ZFHX3: variants seen among roughly 807,000 people sequenced by gnomAD.
The protein encoded by ZFHX3 is zinc finger homeobox protein 3.
A neutral mutation model predicts 279.1 loss-of-function variants in ZFHX3; 42 were observed. The ratio of observed to expected loss-of-function variants is 0.15; its 90% CI spans 0.12 to 0.19. ZFHX3 has a LOEUF of 0.19. ZFHX3 is among the 10% of genes least tolerant of loss of function. The probability of loss-of-function intolerance (pLI) is 1.00; values close to 1 mark genes in which losing one functional copy is unlikely to be tolerated. For synonymous variants in ZFHX3, 2,293 were observed against 1,957.8 expected (o/e 1.17, Z -4.52); for missense variants, 4,981 against 4,754.0 (o/e 1.05, Z -1.40).
At chr16:73,170,920 C>T (rs1294714810) in intron 5 of ZFHX3, among the ~76,000 whole-genome samples, 1 of 152,124 alleles carries the variant, frequency 6.6e-6, no homozygotes, top group Non-Finnish European at 1.5e-5. Flanking sequence ...TTTGAGTTTT[C>T]CGACGCACCG....
In ZFHX3 at chr16:72,788,091, C is replaced by CTGCTGCTGCTGCACTTTT. The variant is rs571110463; in HGVS notation, c.10167_10184dup (p.Lys3390_Gln3395dup). On this transcript the variant is annotated inframe_insertion, in exon 10 of 10. Coordinates refer to ENST00000268489, the MANE Select transcript of ZFHX3 (RefSeq NM_006885.4). ...GGACTGGGGTTTGGCTTGCTTTGGG[C>CTGCTGCTGCTGCACTTTT]TGCTGCTGCTGCACTTTTTGCTGCT... is the stretch of plus-strand genomic sequence containing the variant. The CTGCTGCTGCTGCACTTTT allele has an allele frequency of 2.2e-5, 35 of 1,608,156 alleles. No homozygotes were observed. The highest frequency in any genetic ancestry group is 2.9e-5 in the Non-Finnish European group (34 of 1,177,202).
chr16:73,619,000 T>C (rs1337026701), intron 2 of ZFHX3, among the ~76,000 whole-genome samples: 1 of 152,122 alleles, frequency 6.6e-6, no homozygotes, highest in Non-Finnish European at 1.5e-5. Flanking sequence ...AAGAAGAGCA[T>C]ATTTTAAATC....
intron 1 of ZFHX3, among the ~76,000 whole-genome samples, chr16:73,806,125 A>G (rs1161711958): frequency 6.6e-6 from 1 of 152,218 alleles, no homozygotes; most frequent in Non-Finnish European, 1.5e-5. Flanking sequence ...AGCTCTTGTA[A>G]GAACTCACTA....
intron 1 of ZFHX3, among the ~76,000 whole-genome samples, chr16:73,862,315 A>G (rs1486136561): frequency 6.6e-6 from 1 of 152,224 alleles, no homozygotes; most frequent in Non-Finnish European, 1.5e-5. Context: ...TTCAACTACC[A>G]AAAGTGAATT....
chr16:72,797,252 G>C lies in ZFHX3; in HGVS notation c.5430C>G (p.Asn1810Lys). ...FYIPSAEFQL[N>K]PEVSLPVTSG... is the part of the protein sequence containing the mutation. ...TGGTCACTGGCAAGCTCACCTCGGG[G>C]TTAAGCTGGAACTCAGCACTGGGGA... The change falls in exon 9 of 10, where the codon AAC (asparagine) becomes AAG (lysine). Residue 1810 changes from asparagine (N) to lysine (K), a missense_variant. Around this residue, in one of 7 missense-constraint regions of ZFHX3, gnomAD observed 1,751 missense variants for 1,770.0 expected, o/e 0.99. Transcript: ENST00000268489. 6.2e-7 allele frequency: 1 copy of C among 1,613,664 alleles called. No homozygotes were observed. Among genetic ancestry groups the C allele is most frequent in the Non-Finnish European group, 8.5e-7 (1 of 1,179,774 alleles).
intron 1 of ZFHX3, among the ~76,000 whole-genome samples, chr16:73,053,565 C>T (rs1294206484): frequency 1.3e-5 from 2 of 151,866 alleles, no homozygotes. Context: ...GGAGGTGTTA[C>T]AAAGAAAGGA....
exon 3 of ZFHX3, chr16:73,456,094 C>T (rs2018366360): frequency 1.3e-5 from 2 of 152,060 alleles, no homozygotes; most frequent in African/African-American, 2.4e-5. Context: ...CCAGGGGAGC[C>T]GTCCGTCTAA....
At chr16:73,198,178 C>G (rs911668048) in intron 5 of ZFHX3, among the ~76,000 whole-genome samples, 26 of 151,784 alleles carry the variant, frequency 1.7e-4, no homozygotes, top group African/African-American at 5.8e-4. Context: ...ACCTAGTGAT[C>G]CGCCCGCCTC....
intron 4 of ZFHX3, among the ~76,000 whole-genome samples, chr16:73,309,979 G>A (rs561401020): frequency 6.8e-5 from 9 of 131,688 alleles, no homozygotes; most frequent in Non-Finnish European, 9.3e-5. Context: ...AGCAATCTCC[G>A]CTCACTGCAA....
chr16:73,182,168 T>C (rs928223347), intron 5 of ZFHX3, among the ~76,000 whole-genome samples: 3 of 151,992 alleles, frequency 2.0e-5, no homozygotes, highest in African/African-American at 2.4e-5. Flanking sequence ...TCTAAAACAG[T>C]AGGGAGGGCC....
intron 1 of ZFHX3, among the ~76,000 whole-genome samples, chr16:73,841,628 C>T (rs184469229): frequency 4.4e-4 from 67 of 152,224 alleles, no homozygotes; most frequent in African/African-American, 1.5e-3. Flanking sequence ...TATCTCCTCC[C>T]CAAGAGCTGA....
In ZFHX3 at chr16:73,342,272, C is replaced by T. The variant is rs116389399; in HGVS notation, c.-1290-23936G>A. 7.9e-3 allele frequency among the ~76,000 whole-genome samples: 1,196 copies of T among 152,240 alleles called. 24 individuals are homozygous for T. Among genetic ancestry groups the T allele is most frequent in the African/African-American group, 0.028 (1,144 of 41,542 alleles). ...GTCTTTGCAAAAGCTAACAAAACTACGTATTTGTACACCTAGTGACCCAGG... is the reference window on the plus strand; with the variant it reads ...GTCTTTGCAAAAGCTAACAAAACTATGTATTTGTACACCTAGTGACCCAGG... On this transcript the variant is annotated intron_variant, in intron 3 of 17. Transcript: ENST00000641206.
chr16:73,495,824 C>T (rs577122745), intron 2 of ZFHX3, among the ~76,000 whole-genome samples: 5 of 152,308 alleles, frequency 3.3e-5, no homozygotes, highest in African/African-American at 1.2e-4. Flanking sequence ...TATCCTTCCC[C>T]TCATCAATGC....
At chr16:73,487,036 C>G (rs971804761) in intron 2 of ZFHX3, 6 of 335,240 alleles carry the variant, frequency 1.8e-5, no homozygotes, top group South Asian at 4.8e-5. Flanking sequence ...AATAACAGAA[C>G]TAAAACGATG....
intron 5 of ZFHX3, among the ~76,000 whole-genome samples, chr16:73,164,579 A>G (rs926881969): frequency 6.6e-6 from 1 of 152,130 alleles, no homozygotes; most frequent in African/African-American, 2.4e-5. Context: ...ATATGCCTGT[A>G]ATCTCAGCTA....
At chr16:73,809,726 T>C (rs1330337010) in intron 1 of ZFHX3, 1 of 151,994 alleles carries the variant, frequency 6.6e-6, no homozygotes, top group Admixed American at 6.6e-5. Context: ...ACGGAGGGGA[T>C]TTTTAAGGCA....
chr16:72,899,906 T>C (rs1252478948), intron 3 of ZFHX3, among the ~76,000 whole-genome samples: 1 of 152,124 alleles, frequency 6.6e-6, no homozygotes, highest in Non-Finnish European at 1.5e-5. Flanking sequence ...CTACTGAACA[T>C]ACCTATTTGT....
At chr16:73,593,749 G>A (rs1469607653) in intron 2 of ZFHX3, among the ~76,000 whole-genome samples, 1 of 152,094 alleles carries the variant, frequency 6.6e-6, no homozygotes, top group African/African-American at 2.4e-5. Context: ...ACTGAGGGAT[G>A]ACTGTACTGT....
At chr16:73,015,494 T>G (rs950011016) in intron 1 of ZFHX3, 1 of 152,234 alleles carries the variant, frequency 6.6e-6, no homozygotes, top group African/African-American at 2.4e-5. Flanking sequence ...GACAAAGAGT[T>G]TGTGTGTGCT....
Sources: gnomAD v4.1 joint callset for allele counts (sites outside exome capture counted in the v4.1 genomes callset) on GRCh38, gnomAD v4.1.1 for gene constraint, gnomAD v4.1.1 regional missense constraint, MANE v1.5 for transcripts, NCBI Gene and HGNC (gene_info 2026-07-23, HGNC 2026-07-21) for gene names.